Variants in MMRN1 observed in about 807,000 individuals in gnomAD.
MMRN1 encodes the protein multimerin-1.
A neutral mutation model predicts 100.7 loss-of-function variants in MMRN1; 94 were observed. That is an observed-to-expected ratio of 0.93 (90% CI 0.79 to 1.11). The LOEUF is 1.11. Among genes scored for constraint, MMRN1 ranks in the 50% least tolerant of loss-of-function variants. MMRN1 has a pLI of 0.00. For synonymous variants in MMRN1, 575 were observed against 505.0 expected, an observed-to-expected ratio of 1.14 and a Z score of -1.86; for missense variants, 1,606 against 1,439.1, an observed-to-expected ratio of 1.12 and a Z score of -1.88.
In MMRN1 at chr4:89,935,166, C is replaced by A. The variant is rs1385440156; in HGVS notation, c.1486C>A (p.His496Asn). The A allele has an allele frequency of 6.2e-7, 1 of 1,613,120 alleles. No individual in the cohort carries two copies. Among genetic ancestry groups the A allele is most frequent in the African/African-American group, 1.3e-5 (1 of 74,872 alleles). ...THLEGALEQE[H>N]SRSILYYESL... ...TTTAGAAGGTGCTCTAGAACAGGAACACTCAAGAAGCATTCTGTATTATGA... is the reference window on the plus strand; with the variant it reads ...TTTAGAAGGTGCTCTAGAACAGGAAAACTCAAGAAGCATTCTGTATTATGA... The change falls in exon 6 of 8, where the codon CAC (histidine) becomes AAC (asparagine). Residue 496 changes from histidine (H) to asparagine (N), a missense_variant. Physicochemically the swap from His to Asn is moderately conservative, Grantham distance 68. Transcript: ENST00000264790.
At chr4:89,917,335 A>T (rs1166790009) in intron 3 of MMRN1, among the ~76,000 whole-genome samples, 2 of 151,888 alleles carry the variant, frequency 1.3e-5, no homozygotes, top group Non-Finnish European at 2.9e-5. Flanking sequence ...GAACCCCTGG[A>T]AATAAATCCT....
intron 7 of MMRN1, among the ~76,000 whole-genome samples, chr4:89,952,435 T>C (rs1235509713): frequency 6.6e-6 from 1 of 152,206 alleles, no homozygotes; most frequent in Non-Finnish European, 1.5e-5. Flanking sequence ...CATAGTGAAA[T>C]GTAAATTTTT....
chr4:89,887,534 C>G (rs910938343), intron 1 of MMRN1, among the ~76,000 whole-genome samples: 10 of 152,062 alleles, frequency 6.6e-5, no homozygotes, highest in African/African-American at 2.4e-4. Flanking sequence ...TTTTGAAACA[C>G]TACTAGGTAC....
intron 1 of MMRN1, among the ~76,000 whole-genome samples, chr4:89,899,189 T>C (rs542300002): frequency 6.6e-6 from 1 of 152,230 alleles, no homozygotes; most frequent in Admixed American, 6.6e-5. Flanking sequence ...CATATTTTTG[T>C]TTCATCTTGT....
chr4:89,925,152 T>C (rs899589826), intron 4 of MMRN1, among the ~76,000 whole-genome samples: 2 of 151,700 alleles, frequency 1.3e-5, no homozygotes, highest in Admixed American at 6.6e-5. Flanking sequence ...TATTTATTTA[T>C]TTATTTTTAG....
intron 1 of MMRN1, among the ~76,000 whole-genome samples, chr4:89,881,596 T>C (rs1720816112): frequency 6.6e-6 from 1 of 152,036 alleles, no homozygotes; most frequent in Non-Finnish European, 1.5e-5. Context: ...TTATTTAATA[T>C]TCATTAAAGC....
intron 1 of MMRN1, among the ~76,000 whole-genome samples, chr4:89,903,930 A>G (rs963419880): frequency 6.0e-5 from 9 of 150,786 alleles, no homozygotes; most frequent in African/African-American, 1.7e-4. Flanking sequence ...GCACAGAAAT[A>G]CACTCTCTTC....
At position 89,935,119 on chromosome 4, in the gene MMRN1, A is replaced by G. The variant is rs1722565053; in HGVS notation, c.1439A>G (p.Glu480Gly). Residue 480 changes from glutamate to glycine, a missense_variant, in exon 6 of 8, where the codon GAA (glutamate) becomes GGA (glycine). Glu to Gly is a moderately conservative substitution (Grantham distance 98). Transcript: ENST00000264790. ...CTTACATGTGAGAAGCCTATTAAAGAACTAGAAGTAAAGCAGACTCATTTA... is the reference window on the plus strand; with the variant it reads ...CTTACATGTGAGAAGCCTATTAAAGGACTAGAAGTAAAGCAGACTCATTTA... ...MTLTCEKPIK[E>G]LEVKQTHLEG... 2 of 1,613,608 alleles carry G rather than the reference A, an allele frequency of 1.2e-6. No homozygotes were observed. Among genetic ancestry groups the G allele is most frequent in the Non-Finnish European group, 1.7e-6 (2 of 1,179,772 alleles).
At chr4:89,942,594 G>T (rs918977958) in intron 6 of MMRN1, among the ~76,000 whole-genome samples, 14 of 152,034 alleles carry the variant, frequency 9.2e-5, no homozygotes, top group African/African-American at 3.4e-4. Context: ...GCTCTCCAAA[G>T]AAATAATTAT....
intron 3 of MMRN1, among the ~76,000 whole-genome samples, chr4:89,913,970 C>G (rs1407995318): frequency 6.6e-6 from 1 of 151,422 alleles, no homozygotes; most frequent in Non-Finnish European, 1.5e-5. Context: ...TTGCTCTCTG[C>G]TATACTTTGA....
At chr4:89,943,412 G>A (rs980325339) in intron 6 of MMRN1, among the ~76,000 whole-genome samples, 4 of 152,068 alleles carry the variant, frequency 2.6e-5, no homozygotes, top group Non-Finnish European at 5.9e-5. Flanking sequence ...ACCTCAAGAG[G>A]ATCTTTGTAA....
At position 89,943,443 on chromosome 4, in the gene MMRN1, C is replaced by T. The variant is rs182190941; in HGVS notation, c.3118+6645C>T. On this transcript the variant is annotated intron_variant, in intron 6 of 7. Coordinates refer to ENST00000264790, the MANE Select transcript of MMRN1 (RefSeq NM_007351.3). Reference sequence around the variant, plus strand: ...TGTAAAACACTTTCCTAGATGGATGCTACAATAAAGACAAGATAATTTCTA... The same window carrying T: ...TGTAAAACACTTTCCTAGATGGATGTTACAATAAAGACAAGATAATTTCTA... Among the ~76,000 whole-genome samples the T allele has an allele frequency of 7.9e-5, 12 of 152,164 alleles. No homozygotes were observed. In the East Asian group the frequency reaches 2.3e-3, roughly 29 times the overall value.
intron 4 of MMRN1, among the ~76,000 whole-genome samples, chr4:89,926,478 G>A (rs976578459): frequency 1.3e-4 from 20 of 151,942 alleles, no homozygotes; most frequent in Admixed American, 9.2e-4. Context: ...TTGGATTATC[G>A]GGTGTTTTCC....
upstream of MMRN1, among the ~76,000 whole-genome samples, chr4:89,893,782 A>C (rs1485711513): frequency 6.8e-6 from 1 of 147,202 alleles, no homozygotes; most frequent in Non-Finnish European, 1.5e-5. Context: ...GAATTCATGA[A>C]TACATAAATA....
chr4:89,925,687 A>C (rs1722233046), intron 4 of MMRN1, among the ~76,000 whole-genome samples: 1 of 151,840 alleles, frequency 6.6e-6, no homozygotes, highest in Non-Finnish European at 1.5e-5. Flanking sequence ...AAAATTAGCC[A>C]CACGTGGTGG....
At chr4:89,931,774 C>T (rs1052786566) in intron 5 of MMRN1, among the ~76,000 whole-genome samples, 1 of 152,126 alleles carries the variant, frequency 6.6e-6, no homozygotes, top group Non-Finnish European at 1.5e-5. Flanking sequence ...TGGGAAAAAT[C>T]CCTCCCCATG....
rs568981922 is a variant in MMRN1, at chr4:89,917,826, TC to T, written c.851-5341del. ...GTTAAATTATCCTCCTGCTGAATTA[TC>T]TATTGGGCTTTCCTGAATAAAAAGT... On this transcript the variant is annotated intron_variant, in intron 3 of 7. Coordinates refer to ENST00000264790, the MANE Select transcript of MMRN1 (RefSeq NM_007351.3). Among the ~76,000 whole-genome samples the T allele has an allele frequency of 1.8e-3, 267 of 152,040 alleles. 2 individuals are homozygous for T. The highest frequency in any genetic ancestry group is 6.2e-3 in the African/African-American group (256 of 41,542).
In MMRN1 at chr4:89,953,893, T is replaced by C. The variant is rs1367073120; in HGVS notation, c.*475T>C. The stretch of plus-strand genomic sequence containing the variant: ...TTTGTAAACTTTTATTTTTACTCTT[T>C]ACGTTGAGTTGATCAATTTTCCATA... On this transcript the variant is annotated 3_prime_UTR_variant, in exon 8 of 8. Coordinates refer to ENST00000264790, the MANE Select transcript of MMRN1 (RefSeq NM_007351.3). 1 of 152,254 alleles carries C rather than the reference T, an allele frequency of 6.6e-6. No homozygotes were observed. The highest frequency in any genetic ancestry group is 1.5e-5 in the Non-Finnish European group (1 of 68,076). The allele number at this position is 152,254 out of a possible 1,614,324, so 9.4% of individuals were successfully genotyped here. A position where few individuals can be genotyped will look rare whatever the true frequency, so the allele number is the denominator to read the frequency against.
chr4:89,928,224 A>T (rs2110622683), intron 5 of MMRN1, among the ~76,000 whole-genome samples: 1 of 152,248 alleles, frequency 6.6e-6, no homozygotes, highest in South Asian at 2.1e-4. Context: ...ACTATAGCCT[A>T]ACATATTCAT....
Sources: allele counts gnomAD v4.1 joint callset (sites outside exome capture counted in the v4.1 genomes callset), GRCh38; gene constraint gnomAD v4.1.1; transcripts MANE v1.5; gene names NCBI Gene and HGNC (gene_info 2026-07-23, HGNC 2026-07-21).